The following OPCML variants were observed in gnomAD, a reference collection of about 807,000 sequenced individuals.
The protein encoded by OPCML is opioid-binding protein/cell adhesion molecule.
A neutral mutation model predicts 37.8 loss-of-function variants in OPCML; 13 were observed. The observed-to-expected ratio is 0.34, with a 90% CI of 0.22 to 0.55. The LOEUF is 0.55. Ranked by LOEUF, OPCML falls within the 20% of genes least tolerant of loss-of-function variation. The pLI is 0.91. For synonymous variants in OPCML, 176 were observed against 168.8 expected (o/e 1.04, Z -0.33); for missense variants, 341 against 435.6 (o/e 0.78, Z 1.93).
chr11:133,364,794 T>A (rs1425057605), intron 1 of OPCML, among the ~76,000 whole-genome samples: 2 of 152,106 alleles, frequency 1.3e-5, no homozygotes, highest in African/African-American at 2.4e-5. Context: ...ATATATTTTT[T>A]AAAAAGCGGA....
chr11:133,217,302 T>C (rs1939626068), intron 1 of OPCML, among the ~76,000 whole-genome samples: 1 of 152,174 alleles, frequency 6.6e-6, no homozygotes, highest in Non-Finnish European at 1.5e-5. Context: ...TTTTGTAAAT[T>C]ACTCATCATT....
intron 2 of OPCML, among the ~76,000 whole-genome samples, chr11:132,784,269 T>A (rs1202422396): frequency 6.6e-6 from 1 of 152,110 alleles, no homozygotes; most frequent in Admixed American, 6.6e-5. Flanking sequence ...TAATAACTAC[T>A]AACTTCCCTA....
At chr11:132,609,919 A>G (rs555777200) in intron 3 of OPCML, among the ~76,000 whole-genome samples, 23 of 152,360 alleles carry the variant, frequency 1.5e-4, no homozygotes, top group African/African-American at 5.5e-4. Context: ...AAGGAAAAAT[A>G]AAATATCAAT....
chr11:133,098,054 A>T (rs1949029952), intron 1 of OPCML, among the ~76,000 whole-genome samples: 2 of 152,264 alleles, frequency 1.3e-5, no homozygotes, highest in Admixed American at 1.3e-4. Flanking sequence ...AAAACCATAA[A>T]AGATACTACA....
intron 4 of OPCML, among the ~76,000 whole-genome samples, chr11:132,479,627 C>A (rs1393356079): frequency 1.3e-5 from 2 of 152,342 alleles, no homozygotes; most frequent in East Asian, 1.9e-4. Context: ...ATGTCCCTGT[C>A]TGACAGCTTT....
intron 2 of OPCML, among the ~76,000 whole-genome samples, chr11:132,837,868 C>T (rs11223243): frequency 0.056 from 8,589 of 152,292 alleles, 267 homozygotes; most frequent in Middle Eastern, 0.11. Context: ...CTCCCTCCTC[C>T]CTCACTGCTC....
chr11:133,238,641 C>T (rs1445750338), intron 1 of OPCML, among the ~76,000 whole-genome samples: 1 of 152,090 alleles, frequency 6.6e-6, no homozygotes, highest in Non-Finnish European at 1.5e-5. Flanking sequence ...TCATCAGAGC[C>T]TCCCGCCCTA....
chr11:132,475,460 G>A (rs956612991), intron 4 of OPCML, among the ~76,000 whole-genome samples: 1 of 152,170 alleles, frequency 6.6e-6, no homozygotes, highest in African/African-American at 2.4e-5. Context: ...GGGTCTTTAA[G>A]GGGGTGATTA....
chr11:132,465,223 G>T (rs900976222), intron 4 of OPCML, among the ~76,000 whole-genome samples: 1 of 152,024 alleles, frequency 6.6e-6, no homozygotes, highest in African/African-American at 2.4e-5. Flanking sequence ...CATAATACAA[G>T]AATTTCTAAG....
chr11:132,987,012 A>T (rs577140786), intron 1 of OPCML, among the ~76,000 whole-genome samples: 64 of 152,274 alleles, frequency 4.2e-4, no homozygotes, highest in African/African-American at 1.5e-3. Flanking sequence ...GGAGCACAGG[A>T]CTTCAAGACG....
intron 1 of OPCML, among the ~76,000 whole-genome samples, chr11:133,443,677 G>A (rs1766194564): frequency 6.6e-6 from 1 of 152,176 alleles, no homozygotes; most frequent in African/African-American, 2.4e-5. Flanking sequence ...TAGCTCTGAA[G>A]TATGTTAAGC....
chr11:132,459,009 T>C (rs1325104968), intron 4 of OPCML, among the ~76,000 whole-genome samples: 1 of 152,214 alleles, frequency 6.6e-6, no homozygotes, highest in East Asian at 1.9e-4. Context: ...TCTGAGACCA[T>C]GTCAATGAAT....
chr11:133,098,360 C>G (rs113624930), intron 1 of OPCML, among the ~76,000 whole-genome samples: 1 of 151,636 alleles, frequency 6.6e-6, no homozygotes, highest in Non-Finnish European at 1.5e-5. Flanking sequence ...GGACTACAGG[C>G]GCCCGCCACC....
At chr11:133,107,565 G>A (rs1458029433) in intron 1 of OPCML, among the ~76,000 whole-genome samples, 3 of 152,088 alleles carry the variant, frequency 2.0e-5, no homozygotes, top group Admixed American at 6.5e-5. Context: ...ACACGCACAC[G>A]ACAGCAACAC....
At chr11:132,956,589 T>C (rs1273396594) in intron 1 of OPCML, among the ~76,000 whole-genome samples, 2 of 152,118 alleles carry the variant, frequency 1.3e-5, no homozygotes, top group African/African-American at 2.4e-5. Flanking sequence ...CCAAATTGGA[T>C]TGGACAGTTT....
intron 3 of OPCML, among the ~76,000 whole-genome samples, chr11:132,590,716 C>T (rs767006231): frequency 4.6e-5 from 7 of 152,122 alleles, no homozygotes; most frequent in Non-Finnish European, 7.3e-5. Context: ...ACGGCACACA[C>T]GCATGACACC....
chr11:133,479,949 C>A (rs1404738826), intron 1 of OPCML, among the ~76,000 whole-genome samples: 1 of 152,212 alleles, frequency 6.6e-6, no homozygotes, highest in East Asian at 1.9e-4. Flanking sequence ...TGAGCACCAC[C>A]CAAGGAGCCA....
intron 1 of OPCML, among the ~76,000 whole-genome samples, chr11:132,959,957 C>T (rs1232319145): frequency 6.6e-6 from 1 of 152,156 alleles, no homozygotes; most frequent in East Asian, 1.9e-4. Context: ...GGGCAAAACT[C>T]CAACCTTCCA....
At chr11:133,055,483 A>G (rs905739301) in intron 1 of OPCML, among the ~76,000 whole-genome samples, 1 of 149,676 alleles carries the variant, frequency 6.7e-6, no homozygotes, top group Non-Finnish European at 1.5e-5. Context: ...CTACCGTACA[A>G]TGCTGCCTCC....
Sources: gnomAD v4.1 joint callset for allele counts (sites outside exome capture counted in the v4.1 genomes callset) on GRCh38, gnomAD v4.1.1 for gene constraint, MANE v1.5 for transcripts, NCBI Gene and HGNC (gene_info 2026-07-23, HGNC 2026-07-21) for gene names.